Variants in FGF12 observed in about 807,000 individuals in gnomAD.
The protein encoded by FGF12 is fibroblast growth factor 12B.
FGF12 carries 14 observed loss-of-function variants against 23.6 expected under a neutral mutation model. That is an observed-to-expected ratio of 0.59 (90% CI 0.39 to 0.93). The LOEUF is 0.93. Ranked by LOEUF, FGF12 falls within the 40% of genes least tolerant of loss-of-function variation. FGF12 has a pLI of 0.00. For synonymous variants in FGF12, 62 were observed against 77.3 expected (o/e 0.80, Z 1.04); for missense variants, 175 against 217.8 (o/e 0.80, Z 1.24).
At chr3:192,421,352 TAG>T (rs1309749874) in intron 2 of FGF12, among the ~76,000 whole-genome samples, 2 of 151,992 alleles carry the variant, frequency 1.3e-5, no homozygotes, top group Non-Finnish European at 2.9e-5. Flanking sequence ...CACTCAGTTT[TAG>T]AGAGTCTAAA....
chr3:192,404,031 T>C (rs1399925237), intron 2 of FGF12, among the ~76,000 whole-genome samples: 1 of 152,086 alleles, frequency 6.6e-6, no homozygotes, highest in Non-Finnish European at 1.5e-5. Context: ...ACTACTTTGA[T>C]TTATTTTACC....
intron 2 of FGF12, among the ~76,000 whole-genome samples, chr3:192,607,923 C>G (rs1438976832): frequency 6.6e-6 from 1 of 151,394 alleles, no homozygotes; most frequent in Non-Finnish European, 1.5e-5. Context: ...AGTCCCTCTT[C>G]TGACTGAATT....
At chr3:192,498,149 T>C (rs1327900229) in intron 2 of FGF12, among the ~76,000 whole-genome samples, 1 of 152,222 alleles carries the variant, frequency 6.6e-6, no homozygotes, top group Admixed American at 6.5e-5. Context: ...ACTTGAATGA[T>C]AACTTGCTTT....
chr3:192,571,783 C>T (rs113044485), intron 2 of FGF12, among the ~76,000 whole-genome samples: 2,914 of 152,282 alleles, frequency 0.019, 38 homozygotes, highest in Non-Finnish European at 0.029. Flanking sequence ...AGCCACATCA[C>T]CAACTTCCTC....
intron 4 of FGF12, among the ~76,000 whole-genome samples, chr3:192,287,379 A>T (rs1008774280): frequency 3.3e-5 from 5 of 152,076 alleles, no homozygotes; most frequent in Non-Finnish European, 7.4e-5. Context: ...TCTTAATGAT[A>T]CTTAACACAA....
chr3:192,710,482 G>C (rs890070055), intron 2 of FGF12, among the ~76,000 whole-genome samples: 2 of 152,158 alleles, frequency 1.3e-5, no homozygotes, highest in African/African-American at 4.8e-5. Context: ...AAAACCAGCT[G>C]GTGAAGATAT....
rs535271176 is a variant in FGF12 at position 192,442,860 on chromosome 3, T to C, written c.14-82322A>G. ...TCTCATTCTGTCACCCAGGATGGAG[T>C]GCAGTGGCGCAGTCTCGGCTCACTG... On this transcript the variant is annotated intron_variant, in intron 2 of 5. Transcript: ENST00000445105. Among the ~76,000 whole-genome samples the C allele has an allele frequency of 4.0e-5, 6 of 150,438 alleles. No homozygotes were observed. In the East Asian group the frequency reaches 9.8e-4, roughly 25 times the overall value.
At chr3:192,332,344 T>G (rs563853080) in intron 4 of FGF12, among the ~76,000 whole-genome samples, 3 of 151,830 alleles carry the variant, frequency 2.0e-5, no homozygotes, top group South Asian at 2.1e-4. Context: ...GGTTACAAAC[T>G]TGCAGAAGAA....
intron 4 of FGF12, among the ~76,000 whole-genome samples, chr3:192,173,402 G>A (rs1715675983): frequency 6.6e-6 from 1 of 150,762 alleles, no homozygotes; most frequent in South Asian, 2.1e-4. Context: ...GATAACCCAT[G>A]TGAAGGAAAA....
intron 2 of FGF12, among the ~76,000 whole-genome samples, chr3:192,535,015 G>T (rs1725190612): frequency 6.6e-6 from 1 of 151,002 alleles, no homozygotes; most frequent in African/African-American, 2.5e-5. Context: ...CATATGAAGT[G>T]GTATTCCTGA....
intron 2 of FGF12, among the ~76,000 whole-genome samples, chr3:192,443,711 C>G (rs1486482636): frequency 6.6e-6 from 1 of 152,190 alleles, no homozygotes. Context: ...ATTTCCAGCT[C>G]AGCAAAATCT....
chr3:192,381,834 A>G (rs368285488), intron 2 of FGF12, among the ~76,000 whole-genome samples: 2 of 152,178 alleles, frequency 1.3e-5, no homozygotes, highest in South Asian at 4.1e-4. Flanking sequence ...TCAGAGACCA[A>G]GAGTCTGGAC....
intron 2 of FGF12, among the ~76,000 whole-genome samples, chr3:192,470,726 A>G (rs1387838379): frequency 6.6e-6 from 1 of 152,240 alleles, no homozygotes; most frequent in South Asian, 2.1e-4. Context: ...AACATTCATC[A>G]TTATCAGGGT....
intron 2 of FGF12, among the ~76,000 whole-genome samples, chr3:192,605,169 G>A (rs564013431): frequency 1.3e-5 from 2 of 152,194 alleles, no homozygotes; most frequent in East Asian, 3.9e-4. Context: ...ATCAGGTCAG[G>A]AGATCGAGAC....
intron 4 of FGF12, among the ~76,000 whole-genome samples, chr3:192,175,075 A>G (rs1715781940): frequency 6.6e-6 from 1 of 152,200 alleles, no homozygotes; most frequent in African/African-American, 2.4e-5. Flanking sequence ...AGACATTTTA[A>G]AAATAATCTA....
intron 3 of FGF12, among the ~76,000 whole-genome samples, chr3:192,353,088 G>A (rs989121954): frequency 6.6e-6 from 1 of 152,084 alleles, no homozygotes; most frequent in Admixed American, 6.6e-5. Context: ...CTCTAATGTT[G>A]TACTATCTGA....
intron 2 of FGF12, among the ~76,000 whole-genome samples, chr3:192,440,000 A>G (rs1722157404): frequency 6.6e-6 from 1 of 151,410 alleles, no homozygotes; most frequent in African/African-American, 2.4e-5. Flanking sequence ...AAAGCATAAT[A>G]TAAGGAGAGG....
At chr3:192,275,481 C>T (rs1478638930) in intron 4 of FGF12, among the ~76,000 whole-genome samples, 1 of 152,024 alleles carries the variant, frequency 6.6e-6, no homozygotes, top group Non-Finnish European at 1.5e-5. Context: ...TTGCTTGACT[C>T]TAGAATGGTA....
intron 2 of FGF12, among the ~76,000 whole-genome samples, chr3:192,567,970 T>G (rs1712420446): frequency 3.3e-5 from 5 of 151,754 alleles, no homozygotes; most frequent in Admixed American, 3.3e-4. Context: ...GTAGCTGGGA[T>G]TACAGGCACC....
Sources: allele counts gnomAD v4.1 joint callset (sites outside exome capture counted in the v4.1 genomes callset), GRCh38; gene constraint gnomAD v4.1.1; transcripts MANE v1.5; gene names NCBI Gene and HGNC (gene_info 2026-07-23, HGNC 2026-07-21).